Variants in DMD observed in about 807,000 individuals in gnomAD.
DMD encodes mutant dystrophin.
In DMD, 63 loss-of-function variants were observed where a neutral mutation model predicts 330.1. That is an observed-to-expected ratio of 0.19 (90% confidence interval 0.16 to 0.24). DMD has a LOEUF of 0.24. Ranked by LOEUF, DMD falls within the 10% of genes least tolerant of loss-of-function variation. The pLI, the probability that DMD is intolerant of heterozygous loss-of-function variation, is 1.00. For synonymous variants in DMD, 1,223 were observed against 959.8 expected, an observed-to-expected ratio of 1.27 and a Z score of -5.07; for missense variants, 3,344 against 2,684.1, an observed-to-expected ratio of 1.25 and a Z score of -5.43.
chrX:31,176,947 T>A (rs2040571024), intron 71 of DMD, among the ~76,000 whole-genome samples: 1 of 111,504 alleles, frequency 9.0e-6, no homozygotes, highest in Non-Finnish European at 1.9e-5. Context: ...TAGTTTAGAT[T>A]AAATTATATG....
At chrX:31,373,436 G>T (rs111563441) in intron 60 of DMD, among the ~76,000 whole-genome samples, 20,496 of 83,044 alleles carry the variant, frequency 0.25, 3,678 homozygotes, top group East Asian at 0.41. Flanking sequence ...AAGGCTACAG[G>T]AAGCAAAACA....
At chrX:33,099,294 C>T (rs1225883741) in intron 1 of DMD, among the ~76,000 whole-genome samples, 1 of 111,002 alleles carries the variant, frequency 9.0e-6, no homozygotes, top group Non-Finnish European at 1.9e-5. Flanking sequence ...GGTCTCTCCT[C>T]AGCTCCTCCA....
chrX:32,255,005 T>C (rs2097292663), intron 43 of DMD, among the ~76,000 whole-genome samples: 1 of 112,060 alleles, frequency 8.9e-6, no homozygotes, highest in Non-Finnish European at 1.9e-5. Flanking sequence ...TCATTTCCCC[T>C]ACCCCTCCCT....
intron 7 of DMD, among the ~76,000 whole-genome samples, chrX:32,758,644 C>A (rs981525912): frequency 9.0e-6 from 1 of 111,499 alleles, no homozygotes; most frequent in Non-Finnish European, 1.9e-5. Context: ...TCTCAGACTT[C>A]GGAATCAAAC....
intron 44 of DMD, among the ~76,000 whole-genome samples, chrX:32,168,638 A>C (rs2096877011): frequency 9.0e-6 from 1 of 110,893 alleles, no homozygotes; most frequent in Non-Finnish European, 1.9e-5. Context: ...GAATAATAAC[A>C]AACTGTTACT....
At chrX:32,453,266 G>A (rs1323243496) in intron 26 of DMD, among the ~76,000 whole-genome samples, 1 of 110,960 alleles carries the variant, frequency 9.0e-6, no homozygotes. Context: ...GCCAGAGGGT[G>A]TTTGGCACAC....
chrX:31,451,165 C>CT lies in DMD; in HGVS notation c.8938-6539dup, dbSNP rs1448717746. 1.2e-4 allele frequency among the ~76,000 whole-genome samples: 12 copies of CT among 96,322 alleles called. No individual in the cohort carries two copies. In the South Asian group the frequency reaches 2.5e-3, roughly 20 times the overall value. 83.6% of individuals were successfully genotyped at this position (96,322 alleles called of 115,157 possible). Reference sequence around the variant, plus strand: ...CTTCCTTCCTTCTTTTCTTTCTTTCCTTTTTTTATACAGGAGACTTCTTTC... The same window carrying CT: ...CTTCCTTCCTTCTTTTCTTTCTTTCCTTTTTTTTATACAGGAGACTTCTTTC... On this transcript the variant is annotated intron_variant, in intron 59 of 78. Coordinates refer to ENST00000357033, the MANE Select transcript of DMD (RefSeq NM_004006.3).
At chrX:31,323,784 A>G in intron 61 of DMD, 126 bp from the exon 62 acceptor site, 1 of 625,363 alleles carries the variant, frequency 1.6e-6, no homozygotes, top group Non-Finnish European at 2.6e-6. Context: ...GCTGCCCATG[A>G]AGACAGGATG....
At chrX:32,496,984 T>C (rs972817413) in intron 19 of DMD, among the ~76,000 whole-genome samples, 5 of 111,980 alleles carry the variant, frequency 4.5e-5, no homozygotes, top group Non-Finnish European at 9.4e-5. Context: ...TACAGACTAT[T>C]TGCAATATGT....
chrX:31,937,791 T>C (rs771169625), intron 45 of DMD, among the ~76,000 whole-genome samples: 6 of 112,293 alleles, frequency 5.3e-5, no homozygotes, highest in African/African-American at 1.9e-4. Context: ...TTAATGCTTA[T>C]GGGAGGATTT....
At chrX:32,818,841 G>T (rs138010190) in intron 5 of DMD, among the ~76,000 whole-genome samples, 2 of 109,506 alleles carry the variant, frequency 1.8e-5, no homozygotes, top group African/African-American at 3.3e-5. Context: ...TGATGAAGGG[G>T]CAGAGTATAA....
chrX:31,466,176 G>A (rs12389271), intron 59 of DMD, among the ~76,000 whole-genome samples: 1 of 112,235 alleles, frequency 8.9e-6, no homozygotes, highest in South Asian at 3.7e-4. Context: ...AAGCTCTTTA[G>A]TTTAATTAGA....
chrX:31,986,022 G>T (rs2095506724), intron 44 of DMD, among the ~76,000 whole-genome samples: 2 of 111,469 alleles, frequency 1.8e-5, no homozygotes, highest in Non-Finnish European at 3.8e-5. Flanking sequence ...TGGATATAAA[G>T]AAGCTGAAAG....
intron 9 of DMD, among the ~76,000 whole-genome samples, chrX:32,660,467 C>T (rs1304699213): frequency 9.0e-6 from 1 of 111,325 alleles, no homozygotes; most frequent in Non-Finnish European, 1.9e-5. Context: ...TGAAAGTTTT[C>T]ACTTATAATA....
chrX:31,937,301 G>A (rs1271422432), intron 45 of DMD, among the ~76,000 whole-genome samples: 2 of 110,960 alleles, frequency 1.8e-5, no homozygotes, highest in African/African-American at 3.3e-5. Flanking sequence ...TGATTTTATG[G>A]ATATTAACCA....
At chrX:32,640,193 C>T (rs1044428646) in intron 11 of DMD, among the ~76,000 whole-genome samples, 2 of 108,747 alleles carry the variant, frequency 1.8e-5, no homozygotes, top group Middle Eastern at 4.8e-3. Context: ...ACTGACAGCT[C>T]ATCATCTTAT....
At chrX:32,387,688 G>A (rs747782777) in intron 32 of DMD, among the ~76,000 whole-genome samples, 2 of 110,762 alleles carry the variant, frequency 1.8e-5, no homozygotes, top group Non-Finnish European at 3.8e-5. Flanking sequence ...TTTCCCAGAT[G>A]ATATTATTTA....
chrX:32,863,575 A>ACACAC lies in DMD; in HGVS notation c.94-13756_94-13755insGTGTG, dbSNP rs746034767. Among the ~76,000 whole-genome samples, 135 of 69,983 alleles carry ACACAC rather than the reference A, an allele frequency of 1.9e-3. 2 individuals carry two copies. The highest frequency in any genetic ancestry group is 7.7e-3 in the African/African-American group (119 of 15,552). 60.8% of individuals were successfully genotyped at this position (69,983 alleles called of 115,157 possible). A position where few individuals can be genotyped will look rare whatever the true frequency, so the allele number is the denominator to read the frequency against. ...ACACACACACACACACACACACACA[A>ACACAC]ATACACACATATACCATGACATAAT... On this transcript the variant is annotated intron_variant, in intron 2 of 78. Transcript: ENST00000357033.
intron 41 of DMD, among the ~76,000 whole-genome samples, chrX:32,324,450 G>A (rs893560430): frequency 9.0e-6 from 1 of 110,743 alleles, no homozygotes; most frequent in African/African-American, 3.3e-5. Flanking sequence ...TCACAATGCT[G>A]CGTTAATGGT....
Sources: allele counts gnomAD v4.1 joint callset (sites outside exome capture counted in the v4.1 genomes callset), GRCh38; gene constraint gnomAD v4.1.1; transcripts MANE v1.5; gene names NCBI Gene and HGNC (gene_info 2026-07-23, HGNC 2026-07-21).